Variants in IL1RAPL1 observed in about 807,000 individuals in gnomAD.
IL1RAPL1 encodes interleukin-1 receptor accessory protein-like 1.
In IL1RAPL1, 3 loss-of-function variants were observed where a neutral mutation model predicts 48.4. That is an observed-to-expected ratio of 0.06 (90% CI 0.03 to 0.16). The LOEUF (loss-of-function observed/expected upper bound fraction) is 0.16. IL1RAPL1 is among the 10% of genes least tolerant of loss of function. The pLI is 1.00. For missense variants in IL1RAPL1, 349 were observed against 530.6 expected, an observed-to-expected ratio of 0.66 and a Z score of 3.36; for synonymous variants, 185 against 187.7, an observed-to-expected ratio of 0.99 and a Z score of 0.12.
At chrX:28,694,839 A>T (rs1317569669) in intron 1 of IL1RAPL1, among the ~76,000 whole-genome samples, 1 of 111,652 alleles carries the variant, frequency 9.0e-6, no homozygotes, top group East Asian at 2.8e-4. Context: ...GATTTTCCTC[A>T]AGAGCAAGTT....
At chrX:29,173,620 A>G (rs961322166) in intron 2 of IL1RAPL1, among the ~76,000 whole-genome samples, 2 of 111,910 alleles carry the variant, frequency 1.8e-5, no homozygotes, top group Non-Finnish European at 3.8e-5. Flanking sequence ...GGCTACTTCA[A>G]TGATCATTTA....
At chrX:29,315,855 C>T (rs1004479145) in intron 3 of IL1RAPL1, among the ~76,000 whole-genome samples, 3 of 111,654 alleles carry the variant, frequency 2.7e-5, no homozygotes, top group Non-Finnish European at 5.6e-5. Flanking sequence ...AGATAGTGGG[C>T]ATGAGATGAG....
intron 6 of IL1RAPL1, among the ~76,000 whole-genome samples, chrX:29,759,184 T>C (rs1165194685): frequency 8.9e-6 from 1 of 112,346 alleles, no homozygotes; most frequent in African/African-American, 3.2e-5. Flanking sequence ...AAAGGTGTAA[T>C]TGTTGTCATT....
At chrX:28,665,117 C>T (rs886614440) in intron 1 of IL1RAPL1, among the ~76,000 whole-genome samples, 1 of 111,546 alleles carries the variant, frequency 9.0e-6, no homozygotes, top group African/African-American at 3.3e-5. Context: ...ATCATTTTCT[C>T]ACTGCACAAG....
At chrX:29,433,802 C>A (rs1290614584) in intron 5 of IL1RAPL1, among the ~76,000 whole-genome samples, 1 of 110,219 alleles carries the variant, frequency 9.1e-6, no homozygotes, top group Non-Finnish European at 1.9e-5. Flanking sequence ...TAAAGATTTC[C>A]CTCATCTTGT....
Position 29,838,928 on chromosome X carries a change from C to T in IL1RAPL1, c.779-78536C>T, listed in dbSNP as rs765782443. Reference sequence around the variant, plus strand: ...GGGTAGGTAGGCTGATCTATGGAGGCTTCAGCTGGCATGGCTTGCCTCTGC... The same window carrying T: ...GGGTAGGTAGGCTGATCTATGGAGGTTTCAGCTGGCATGGCTTGCCTCTGC... On this transcript the variant is annotated intron_variant, in intron 6 of 10. Coordinates refer to ENST00000378993, the MANE Select transcript of IL1RAPL1 (RefSeq NM_014271.4). 4.5e-5 allele frequency among the ~76,000 whole-genome samples: 5 copies of T among 111,915 alleles called. No homozygotes were observed. The South Asian group carries it at 1.9e-3, about 42-fold the overall frequency.
At chrX:29,363,241 T>A (rs190856471) in intron 3 of IL1RAPL1, among the ~76,000 whole-genome samples, 7 of 112,191 alleles carry the variant, frequency 6.2e-5, no homozygotes, top group Admixed American at 5.7e-4. Flanking sequence ...ATCTTAACTT[T>A]TTAAGTATAG....
chrX:29,099,925 T>A (rs767486929), intron 2 of IL1RAPL1, among the ~76,000 whole-genome samples: 22 of 111,582 alleles, frequency 2.0e-4, no homozygotes, highest in Non-Finnish European at 4.0e-4. Context: ...CTCAGTATTA[T>A]GTATTAGGCC....
At chrX:29,466,235 A>G (rs1472064506) in intron 5 of IL1RAPL1, among the ~76,000 whole-genome samples, 4 of 112,247 alleles carry the variant, frequency 3.6e-5, no homozygotes, top group African/African-American at 6.5e-5. Flanking sequence ...TGTGACCACA[A>G]TGGTGTTCAA....
At chrX:29,851,117 C>T (rs1204435929) in intron 6 of IL1RAPL1, among the ~76,000 whole-genome samples, 4 of 111,533 alleles carry the variant, frequency 3.6e-5, no homozygotes, top group African/African-American at 1.3e-4. Flanking sequence ...GTGGCATAAA[C>T]AAAAATCTTG....
intron 5 of IL1RAPL1, among the ~76,000 whole-genome samples, chrX:29,569,875 A>C (rs188518456): frequency 8.9e-6 from 1 of 111,969 alleles, no homozygotes; most frequent in African/African-American, 3.2e-5. Context: ...TTTTGTAGCC[A>C]GGTAGTGTTA....
At chrX:29,639,257 C>T (rs1925084131) in intron 5 of IL1RAPL1, among the ~76,000 whole-genome samples, 1 of 108,142 alleles carries the variant, frequency 9.2e-6, no homozygotes, top group South Asian at 3.9e-4. Context: ...TTCCAGTTTT[C>T]TCTGCTGTTT....
chrX:29,538,217 A>T (rs1921302340), intron 5 of IL1RAPL1, among the ~76,000 whole-genome samples: 1 of 109,796 alleles, frequency 9.1e-6, no homozygotes, highest in Non-Finnish European at 1.9e-5. Context: ...CCAATTACTA[A>T]AAGTAACTTG....
chrX:29,551,338 A>G (rs936107178), intron 5 of IL1RAPL1, among the ~76,000 whole-genome samples: 3 of 112,070 alleles, frequency 2.7e-5, no homozygotes, highest in African/African-American at 9.7e-5. Flanking sequence ...ATGAAGACTA[A>G]TAAATTGTCA....
At chrX:29,462,249 A>C (rs1020732729) in intron 5 of IL1RAPL1, among the ~76,000 whole-genome samples, 2 of 111,612 alleles carry the variant, frequency 1.8e-5, no homozygotes, top group Non-Finnish European at 3.8e-5. Context: ...CATAGTTTTC[A>C]AGGGAAAAAC....
intron 3 of IL1RAPL1, among the ~76,000 whole-genome samples, chrX:29,381,829 AAAAAATAT>A (rs1190998352): frequency 1.1e-3 from 36 of 31,716 alleles, no homozygotes; most frequent in Middle Eastern, 0.022. Context: ...AAAAAAAAAA[AAAAAATAT>A]ATATATATAT....
chrX:28,989,286 G>A (rs1260896272), intron 2 of IL1RAPL1, among the ~76,000 whole-genome samples: 3 of 112,161 alleles, frequency 2.7e-5, no homozygotes, highest in Non-Finnish European at 3.8e-5. Context: ...CTTCTGCAGT[G>A]GAAGCCAATG....
At chrX:28,959,744 A>G (rs760166333) in intron 2 of IL1RAPL1, among the ~76,000 whole-genome samples, 3 of 112,224 alleles carry the variant, frequency 2.7e-5, no homozygotes, top group South Asian at 3.6e-4. Flanking sequence ...GATGTTAAAC[A>G]TTATTCACTT....
chrX:29,057,482 C>T (rs951655270), intron 2 of IL1RAPL1, among the ~76,000 whole-genome samples: 6 of 108,655 alleles, frequency 5.5e-5, no homozygotes, highest in African/African-American at 2.0e-4. Context: ...GGATGGAGTG[C>T]AATGGCACAA....
Sources: allele counts gnomAD v4.1 joint callset (sites outside exome capture counted in the v4.1 genomes callset), GRCh38; gene constraint gnomAD v4.1.1; transcripts MANE v1.5; gene names NCBI Gene and HGNC (gene_info 2026-07-23, HGNC 2026-07-21).